CTNNA2: variants seen among roughly 807,000 people sequenced by gnomAD.
CTNNA2 encodes catenin alpha 2.
CTNNA2 carries 42 observed loss-of-function variants against 101.0 expected under a neutral mutation model. That is an observed-to-expected ratio of 0.42 (90% CI 0.32 to 0.54). The LOEUF is 0.54. CTNNA2 is among the 20% of genes least tolerant of loss of function. The pLI, the probability that CTNNA2 is intolerant of heterozygous loss-of-function variation, is 0.14. For synonymous variants in CTNNA2, 450 were observed against 456.4 expected, an observed-to-expected ratio of 0.99 and a Z score of 0.18; for missense variants, 871 against 1,223.1, an observed-to-expected ratio of 0.71 and a Z score of 4.29.
At chr2:80,394,651 A>C (rs2149369324) in intron 8 of CTNNA2, among the ~76,000 whole-genome samples, 1 of 152,308 alleles carries the variant, frequency 6.6e-6, no homozygotes, top group South Asian at 2.1e-4. Context: ...ACGCTGAATT[A>C]GATATCAGAG....
chr2:79,211,161 T>C (rs1368807966), intron 2 of CTNNA2, among the ~76,000 whole-genome samples: 1 of 152,204 alleles, frequency 6.6e-6, no homozygotes, highest in African/African-American at 2.4e-5. Flanking sequence ...TGGATGTTTG[T>C]TTAAATCTTA....
chr2:79,630,664 T>C (rs1437155560), intron 1 of CTNNA2, among the ~76,000 whole-genome samples: 4 of 152,238 alleles, frequency 2.6e-5, no homozygotes, highest in African/African-American at 4.8e-5. Flanking sequence ...CTTCCAAGTA[T>C]TGTGAATTAT....
At chr2:79,202,325 T>C (rs1249315202) in intron 2 of CTNNA2, among the ~76,000 whole-genome samples, 1 of 130,614 alleles carries the variant, frequency 7.7e-6, no homozygotes, top group African/African-American at 2.9e-5. Flanking sequence ...TTCCACACAC[T>C]TGTTTTTTTA....
At chr2:80,339,465 A>G (rs1036294367) in intron 7 of CTNNA2, among the ~76,000 whole-genome samples, 3 of 152,230 alleles carry the variant, frequency 2.0e-5, no homozygotes, top group African/African-American at 7.2e-5. Context: ...ATAGAATACC[A>G]TAACCCAACT....
intron 7 of CTNNA2, among the ~76,000 whole-genome samples, chr2:80,056,444 T>C (rs1697218447): frequency 6.6e-6 from 1 of 152,176 alleles, no homozygotes; most frequent in Admixed American, 6.5e-5. Flanking sequence ...CTACTGGCAG[T>C]CTTTGCATGG....
At chr2:79,874,783 G>A (rs951707690) in intron 6 of CTNNA2, among the ~76,000 whole-genome samples, 4 of 152,132 alleles carry the variant, frequency 2.6e-5, no homozygotes, top group African/African-American at 9.7e-5. Context: ...ACTCCAGCCT[G>A]GGCAACAACA....
intron 7 of CTNNA2, among the ~76,000 whole-genome samples, chr2:80,238,949 A>G (rs1312966119): frequency 1.3e-5 from 2 of 152,210 alleles, no homozygotes; most frequent in Non-Finnish European, 2.9e-5. Context: ...CGTATTCACA[A>G]TAGAAGCTAA....
At chr2:79,778,735 T>C (rs920606752) in intron 3 of CTNNA2, among the ~76,000 whole-genome samples, 3 of 152,084 alleles carry the variant, frequency 2.0e-5, no homozygotes, top group African/African-American at 4.8e-5. Flanking sequence ...CTTTCTTTCT[T>C]TCTCTCTCTC....
At chr2:80,618,182 T>C (rs1475395145) in intron 17 of CTNNA2, among the ~76,000 whole-genome samples, 1 of 151,862 alleles carries the variant, frequency 6.6e-6, no homozygotes, top group Non-Finnish European at 1.5e-5. Flanking sequence ...CTAGACTTGG[T>C]AAATAAAGCT....
intron 7 of CTNNA2, among the ~76,000 whole-genome samples, chr2:80,042,526 C>A (rs1161244468): frequency 6.6e-6 from 1 of 152,082 alleles, no homozygotes. Flanking sequence ...ACCTCTTTTA[C>A]CTAGAGCATG....
At chr2:80,195,259 A>C (rs1706757915) in intron 7 of CTNNA2, among the ~76,000 whole-genome samples, 1 of 152,322 alleles carries the variant, frequency 6.6e-6, no homozygotes, top group East Asian at 1.9e-4. Context: ...GTTTACAGAC[A>C]GACAAATCTG....
chr2:80,210,907 T>G (rs1255193996), intron 7 of CTNNA2, among the ~76,000 whole-genome samples: 1 of 152,204 alleles, frequency 6.6e-6, no homozygotes, highest in Non-Finnish European at 1.5e-5. Flanking sequence ...TAATCGCCAT[T>G]CTAACTGGTG....
chr2:80,479,253 T>A (rs1445469901), intron 9 of CTNNA2, among the ~76,000 whole-genome samples: 1 of 152,126 alleles, frequency 6.6e-6, no homozygotes, highest in Non-Finnish European at 1.5e-5. Context: ...TTTTAGCTCC[T>A]TGGGGGACAG....
At chr2:80,272,878 G>A (rs186977481) in intron 7 of CTNNA2, among the ~76,000 whole-genome samples, 2 of 152,292 alleles carry the variant, frequency 1.3e-5, no homozygotes, top group Non-Finnish European at 2.9e-5. Context: ...AAAAAGTAGG[G>A]TCAAAGTTTA....
chr2:79,400,485 AG>A (rs1442553660), intron 4 of CTNNA2, among the ~76,000 whole-genome samples: 1 of 152,062 alleles, frequency 6.6e-6, no homozygotes, highest in Non-Finnish European at 1.5e-5. Flanking sequence ...AAAGTTAAAA[AG>A]TACAATAACT....
chr2:79,723,760 G>T (rs183503731), intron 2 of CTNNA2, among the ~76,000 whole-genome samples: 1 of 151,456 alleles, frequency 6.6e-6, no homozygotes. Context: ...CCCACCCCCC[G>T]CTCTAATGGT....
intron 7 of CTNNA2, among the ~76,000 whole-genome samples, chr2:80,137,545 T>A (rs1702760729): frequency 6.6e-6 from 1 of 152,020 alleles, no homozygotes; most frequent in Non-Finnish European, 1.5e-5. Context: ...ATGGGAAAGT[T>A]CTTTGAAGAA....
intron 1 of CTNNA2, among the ~76,000 whole-genome samples, chr2:79,644,717 G>A (rs534896844): frequency 3.7e-4 from 56 of 152,256 alleles, no homozygotes; most frequent in African/African-American, 1.1e-3. Context: ...TGAGCCCCAC[G>A]CATGCATTAG....
chr2:79,384,099 A>C (rs1269583105), intron 4 of CTNNA2, among the ~76,000 whole-genome samples: 1 of 152,236 alleles, frequency 6.6e-6, no homozygotes, highest in Non-Finnish European at 1.5e-5. Context: ...CAGGGAATGC[A>C]GCACTTAGCT....
Sources: allele counts gnomAD v4.1 joint callset (sites outside exome capture counted in the v4.1 genomes callset), GRCh38; gene constraint gnomAD v4.1.1; transcripts MANE v1.5; gene names NCBI Gene and HGNC (gene_info 2026-07-23, HGNC 2026-07-21).